SLC39A14: variants seen among roughly 807,000 people sequenced by gnomAD.
SLC39A14 encodes the protein metal cation symporter ZIP14.
Under a neutral mutation model 45.5 loss-of-function variants are expected in SLC39A14, and 19 were observed. That is an observed-to-expected ratio of 0.42 (90% CI 0.29 to 0.61). The LOEUF is 0.61. SLC39A14 is among the 20% of genes least tolerant of loss of function. SLC39A14 has a pLI of 0.22. For missense variants in SLC39A14, 447 were observed against 616.5 expected (o/e 0.73, Z 2.91); for synonymous variants, 264 against 251.3 (o/e 1.05, Z -0.48).
Position 22,433,541 on chromosome 8 carries a change from T to C in SLC39A14, c.1333-350T>C, listed in dbSNP as rs570109317. ...CTGGCTTAAGACTTTTATTTTATGCTTTTTTTTTTTTTTTTTTTTTGAGAC... is the reference window on the plus strand; with the variant it reads ...CTGGCTTAAGACTTTTATTTTATGCCTTTTTTTTTTTTTTTTTTTTGAGAC... On this transcript the variant is annotated intron_variant, in intron 8 of 8. Coordinates refer to the SLC39A14 transcript ENST00000240095. Among the ~76,000 whole-genome samples the C allele has an allele frequency of 1.5e-4, 18 of 121,610 alleles. No individual in the cohort carries two copies. In the East Asian group the frequency reaches 3.2e-3, roughly 22 times the overall value. The allele number at this position is 121,610 out of a possible 152,430, so 79.8% of individuals were successfully genotyped here. A position where few individuals can be genotyped will look rare whatever the true frequency, so the allele number is the denominator to read the frequency against.
At chr8:22,376,667 C>T (rs911372771) in intron 1 of SLC39A14, among the ~76,000 whole-genome samples, 2 of 152,096 alleles carry the variant, frequency 1.3e-5, no homozygotes, top group African/African-American at 4.8e-5. Context: ...AGGCCGACGT[C>T]GGGAGTTCAA....
chr8:22,390,274 C>T (rs755112441), intron 1 of SLC39A14: 3 of 151,842 alleles, frequency 2.0e-5, no homozygotes, highest in Admixed American at 6.6e-5. Context: ...AAAGGAACAA[C>T]TCCATGTTTC....
intron 1 of SLC39A14, among the ~76,000 whole-genome samples, chr8:22,373,016 C>T (rs1177754047): frequency 2.6e-5 from 4 of 151,990 alleles, no homozygotes; most frequent in Non-Finnish European, 5.9e-5. Flanking sequence ...ATAATCCCAG[C>T]ATGTTGGGAG....
intron 1 of SLC39A14, among the ~76,000 whole-genome samples, chr8:22,370,551 G>A (rs1414608070): frequency 1.3e-5 from 2 of 152,164 alleles, no homozygotes; most frequent in Non-Finnish European, 2.9e-5. Flanking sequence ...GATCCAGGGA[G>A]GTGAATTGGT....
intron 1 of SLC39A14, among the ~76,000 whole-genome samples, chr8:22,401,541 TTC>T (rs199737075): frequency 0.05 from 6,097 of 121,608 alleles, 469 homozygotes; most frequent in African/African-American, 0.17. Context: ...TCTCTTCTCT[TTC>T]TTTTTTTTTT....
At chr8:22,430,354 C>A (rs1836448517) in intron 8 of SLC39A14, among the ~76,000 whole-genome samples, 1 of 152,214 alleles carries the variant, frequency 6.6e-6, no homozygotes, top group East Asian at 1.9e-4. Context: ...AGGCGTGGGC[C>A]ATCGCCCTTA....
intron 3 of SLC39A14, chr8:22,410,090 A>C (rs1332460475): frequency 6.2e-7 from 1 of 1,614,138 alleles, no homozygotes; most frequent in Non-Finnish European, 8.5e-7. Flanking sequence ...CTGCTGTCTA[A>C]CGCGCTATTC....
chr8:22,425,891 TTTTTTTTTG>T (rs1836377708), downstream of SLC39A14, among the ~76,000 whole-genome samples: 1 of 130,890 alleles, frequency 7.6e-6, no homozygotes, highest in African/African-American at 2.6e-5. Context: ...TGGTTTTTGT[TTTTTTTTTG>T]TTTTTTTTTG....
intron 8 of SLC39A14, 62 bp downstream of exon 8, chr8:22,417,897 G>GT (rs924973145): frequency 7.0e-4 from 972 of 1,393,976 alleles, no homozygotes; most frequent in Non-Finnish European, 7.9e-4. Context: ...TAGGTAGGTA[G>GT]TTTTTTTTTA....
intron 1 of SLC39A14, among the ~76,000 whole-genome samples, chr8:22,381,694 C>G (rs1029556961): frequency 6.6e-6 from 1 of 152,174 alleles, no homozygotes; most frequent in Admixed American, 6.5e-5. Flanking sequence ...ACATATTTGA[C>G]TTTACCTCTT....
chr8:22,413,084 A>G (rs1835673587), intron 4 of SLC39A14, among the ~76,000 whole-genome samples: 1 of 152,250 alleles, frequency 6.6e-6, no homozygotes, highest in Admixed American at 6.5e-5. Context: ...TAATAAGTTC[A>G]TGAGAAAACT....
intron 8 of SLC39A14, among the ~76,000 whole-genome samples, chr8:22,419,231 C>A (rs551083649): frequency 6.6e-6 from 1 of 152,058 alleles, no homozygotes; most frequent in Non-Finnish European, 1.5e-5. Context: ...GTTGCCCAGG[C>A]GGGAGTGCAG....
Position 22,419,904 on chromosome 8 carries a change from G to T in SLC39A14, c.*206G>T. The T allele has an allele frequency of 7.8e-7, 1 of 1,284,940 alleles. No homozygotes were observed. Among genetic ancestry groups the T allele is most frequent in the Non-Finnish European group, 9.8e-7 (1 of 1,017,052 alleles). The allele number at this position is 1,284,940 out of a possible 1,614,324, so 79.6% of individuals were successfully genotyped here. A position where few individuals can be genotyped will look rare whatever the true frequency, so the allele number is the denominator to read the frequency against. On this transcript the variant is annotated 3_prime_UTR_variant, in exon 9 of 9. Transcript: ENST00000381237. Reference sequence around the variant, plus strand: ...CCCTGGTAACCAGTCTCTAGCTAGTGCCTCTTGCCCTCTCCTCACCTCCTT... The same window carrying T: ...CCCTGGTAACCAGTCTCTAGCTAGTTCCTCTTGCCCTCTCCTCACCTCCTT...
In SLC39A14 at chr8:22,404,614, T is replaced by C. The variant is rs1412380469; in HGVS notation, c.-15-82T>C. On this transcript the variant is annotated intron_variant, in intron 1 of 8. Coordinates refer to ENST00000381237, the MANE Select transcript of SLC39A14 (RefSeq NM_001128431.4). Reference sequence around the variant, plus strand: ...GAGACTGAGGGATAGTCTCAACATGTTCAGTGTGTGGCGGGCGGGCCTGGC... The same window carrying C: ...GAGACTGAGGGATAGTCTCAACATGCTCAGTGTGTGGCGGGCGGGCCTGGC... 2.3e-6 allele frequency: 3 copies of C among 1,329,868 alleles called. No homozygotes were observed. The African/African-American group carries it at 4.4e-5, about 20-fold the overall frequency. The allele number at this position is 1,329,868 out of a possible 1,614,324, so 82.4% of individuals were successfully genotyped here.
At chr8:22,377,591 G>A (rs920252665) in intron 1 of SLC39A14, among the ~76,000 whole-genome samples, 2 of 152,116 alleles carry the variant, frequency 1.3e-5, no homozygotes, top group South Asian at 2.1e-4. Flanking sequence ...CAAAAAGTTC[G>A]TTTTATTTTA....
In SLC39A14 at chr8:22,419,748, A is replaced by G. The variant is rs769811034; in HGVS notation, c.*50A>G. On this transcript the variant is annotated 3_prime_UTR_variant, in exon 9 of 9. Coordinates refer to ENST00000381237, the MANE Select transcript of SLC39A14 (RefSeq NM_001128431.4). ...TGGAAGTCGGGCCCTGGGCTGCCCG[A>G]TCGCCAGCCCGAGGACTTACCATCC... 1.3e-6 allele frequency: 2 copies of G among 1,521,696 alleles called. No individual in the cohort carries two copies. The highest frequency in any genetic ancestry group is 1.8e-6 in the Non-Finnish European group (2 of 1,136,116). 94.3% of individuals were successfully genotyped at this position (1,521,696 alleles called of 1,614,324 possible).
chr8:22,431,775 G>A (rs4872496), intron 8 of SLC39A14, among the ~76,000 whole-genome samples: 47,381 of 152,078 alleles, frequency 0.31, 7,649 homozygotes, highest in East Asian at 0.5. Context: ...ATCTGGCCAG[G>A]TGGAGAGATC....
Position 22,396,704 on chromosome 8 carries a change from G to C in SLC39A14, c.-15-7992G>C, listed in dbSNP as rs1219229912. Among the ~76,000 whole-genome samples the C allele has an allele frequency of 1.8e-4, 26 of 144,422 alleles. No homozygotes were observed. In the East Asian group the frequency reaches 4.5e-3, roughly 25 times the overall value. The allele number at this position is 144,422 out of a possible 152,430, so 94.7% of individuals were successfully genotyped here. ...TCAGCCCATTGTTTTTGGTCCAGGTGCACCGTTTTTTTTTTTGCTCTTCCC... is the reference window on the plus strand; with the variant it reads ...TCAGCCCATTGTTTTTGGTCCAGGTCCACCGTTTTTTTTTTTGCTCTTCCC... On this transcript the variant is annotated intron_variant, in intron 1 of 8. Transcript: ENST00000381237.
intron 1 of SLC39A14, among the ~76,000 whole-genome samples, chr8:22,384,826 G>T (rs960086768): frequency 6.6e-6 from 1 of 151,486 alleles, no homozygotes; most frequent in South Asian, 2.1e-4. Flanking sequence ...AAGGCAGGTG[G>T]ATCACCTGAG....
Sources: allele counts gnomAD v4.1 joint callset (sites outside exome capture counted in the v4.1 genomes callset), GRCh38; gene constraint gnomAD v4.1.1; transcripts MANE v1.5; gene names NCBI Gene and HGNC (gene_info 2026-07-23, HGNC 2026-07-21).